Variants in DIAPH2 observed in about 807,000 individuals in gnomAD.
The protein encoded by DIAPH2 is protein diaphanous homolog 2.
A neutral mutation model predicts 92.7 loss-of-function variants in DIAPH2; 35 were observed. The observed-to-expected ratio is 0.38, with a 90% CI of 0.29 to 0.50. The LOEUF (loss-of-function observed/expected upper bound fraction) is 0.50, where lower values mean the gene tolerates loss of function less well. Ranked by LOEUF, DIAPH2 falls within the 20% of genes least tolerant of loss-of-function variation. The pLI, the probability that DIAPH2 is intolerant of heterozygous loss-of-function variation, is 0.94. For missense variants in DIAPH2, 701 were observed against 819.5 expected (o/e 0.86, Z 1.77); for synonymous variants, 301 against 280.4 (o/e 1.07, Z -0.73).
intron 17 of DIAPH2, among the ~76,000 whole-genome samples, chrX:97,038,696 T>A (rs1210552751): frequency 9.0e-6 from 1 of 110,678 alleles, no homozygotes; most frequent in East Asian, 2.8e-4. Flanking sequence ...TAATTTTCAT[T>A]TTCCTAATGA....
rs187095576 is a variant in DIAPH2 at position 97,219,969 on chromosome X, A to G, written c.2720-27746A>G. 3.9e-3 allele frequency among the ~76,000 whole-genome samples: 434 copies of G among 112,198 alleles called. 2 individuals carry two copies. Among genetic ancestry groups the G allele is most frequent in the African/African-American group, 0.013 (417 of 30,955 alleles). Reference sequence around the variant, plus strand: ...AAATAGGCATCTCAACAGGCATGCAAAATCATAGCAGTGATTCAGTAAATT... The same window carrying G: ...AAATAGGCATCTCAACAGGCATGCAGAATCATAGCAGTGATTCAGTAAATT... On this transcript the variant is annotated intron_variant, in intron 22 of 26. Transcript: ENST00000324765.
At chrX:97,510,288 T>C (rs1365417343) in intron 26 of DIAPH2, among the ~76,000 whole-genome samples, 2 of 111,918 alleles carry the variant, frequency 1.8e-5, no homozygotes, top group African/African-American at 6.6e-5. Flanking sequence ...CATGTGTCTT[T>C]TGGCTGCATA....
rs1000499154 is a variant in DIAPH2, at chrX:96,786,880, G to A, written c.447+28622G>A. On this transcript the variant is annotated intron_variant, in intron 4 of 26. Coordinates refer to ENST00000324765, the MANE Select transcript of DIAPH2 (RefSeq NM_006729.5). Reference sequence around the variant, plus strand: ...CCAAATTTTAGAAAATGTAATAATCGAAGCTAGTATGCAAGCAGTAGCTTC... The same window carrying A: ...CCAAATTTTAGAAAATGTAATAATCAAAGCTAGTATGCAAGCAGTAGCTTC... Among the ~76,000 whole-genome samples, 82 of 111,918 alleles carry A rather than the reference G, an allele frequency of 7.3e-4. 1 individual carries two copies. Among genetic ancestry groups the A allele is most frequent in the Admixed American group, 6.6e-3 (70 of 10,557 alleles).
chrX:97,362,829 C>G (rs770130848), intron 24 of DIAPH2, among the ~76,000 whole-genome samples: 2 of 112,530 alleles, frequency 1.8e-5, no homozygotes, highest in South Asian at 7.3e-4. Flanking sequence ...AGTGGAATGG[C>G]CACATGACAG....
intron 3 of DIAPH2, among the ~76,000 whole-genome samples, chrX:96,752,534 T>A (rs2064200854): frequency 2.7e-5 from 3 of 111,933 alleles, no homozygotes; most frequent in African/African-American, 9.8e-5. Flanking sequence ...TATGGAAGAC[T>A]AGGATAAGGG....
chrX:97,422,903 C>T (rs770172794), intron 25 of DIAPH2, among the ~76,000 whole-genome samples: 1 of 112,056 alleles, frequency 8.9e-6, no homozygotes, highest in East Asian at 2.8e-4. Flanking sequence ...GCAGTTTCAG[C>T]GATGCTGGCA....
intron 24 of DIAPH2, among the ~76,000 whole-genome samples, chrX:97,354,882 A>AG (rs1325894635): frequency 8.9e-6 from 1 of 112,389 alleles, no homozygotes; most frequent in Non-Finnish European, 1.9e-5. Flanking sequence ...CTCTCAGAAC[A>AG]AAGAGAAACT....
At chrX:97,577,519 A>G (rs961136839) in intron 26 of DIAPH2, among the ~76,000 whole-genome samples, 1 of 112,178 alleles carries the variant, frequency 8.9e-6, no homozygotes, top group Non-Finnish European at 1.9e-5. Flanking sequence ...TCGAGAGGAG[A>G]GAAAGATCAG....
At chrX:96,836,560 G>A (rs924280750) in intron 4 of DIAPH2, among the ~76,000 whole-genome samples, 17 of 104,237 alleles carry the variant, frequency 1.6e-4, no homozygotes, top group Admixed American at 2.1e-4. Context: ...GACCTAGCCC[G>A]ATTCATTATA....
At chrX:96,708,580 A>G (rs1221923712) in intron 1 of DIAPH2, among the ~76,000 whole-genome samples, 1 of 111,168 alleles carries the variant, frequency 9.0e-6, no homozygotes, top group Non-Finnish European at 1.9e-5. Flanking sequence ...CAGTGTACCT[A>G]CCTCTTCCCA....
intron 22 of DIAPH2, among the ~76,000 whole-genome samples, chrX:97,219,781 C>T (rs1325314320): frequency 8.9e-6 from 1 of 111,870 alleles, no homozygotes; most frequent in East Asian, 2.8e-4. Flanking sequence ...TTATTGTTTT[C>T]CCAAGATAGA....
At chrX:96,746,873 C>T (rs1237687750) in intron 3 of DIAPH2, among the ~76,000 whole-genome samples, 3 of 111,572 alleles carry the variant, frequency 2.7e-5, no homozygotes, top group Non-Finnish European at 5.6e-5. Context: ...TGAACTAAAG[C>T]GGTTCATATT....
chrX:96,799,858 A>G (rs2064569113), intron 4 of DIAPH2, among the ~76,000 whole-genome samples: 1 of 109,209 alleles, frequency 9.2e-6, no homozygotes, highest in Admixed American at 9.9e-5. Flanking sequence ...AAAATTTTAC[A>G]TATATTATTA....
intron 26 of DIAPH2, among the ~76,000 whole-genome samples, chrX:97,549,837 A>G (rs1164640323): frequency 8.9e-6 from 1 of 111,950 alleles, no homozygotes; most frequent in Non-Finnish European, 1.9e-5. Flanking sequence ...TCTACAAGAT[A>G]ATTTACCTGT....
intron 23 of DIAPH2, among the ~76,000 whole-genome samples, chrX:97,300,931 T>TAAAAAAAAAAAAAAAAAAAAAA (rs774601881): frequency 1.9e-4 from 2 of 10,793 alleles, no homozygotes; most frequent in African/African-American, 3.0e-4. Flanking sequence ...GACTCCGTCT[T>TAAAAAAAAAAAAAAAAAAAAAA]AAAAAAAAAA....
chrX:97,165,411 T>G (rs1174931406), intron 22 of DIAPH2, among the ~76,000 whole-genome samples: 2 of 112,200 alleles, frequency 1.8e-5, no homozygotes, highest in Non-Finnish European at 3.8e-5. Context: ...CACCTGTGAA[T>G]TATACGCTTT....
intron 25 of DIAPH2, among the ~76,000 whole-genome samples, chrX:97,404,546 G>T (rs2069789812): frequency 9.0e-6 from 1 of 111,473 alleles, no homozygotes; most frequent in Admixed American, 9.5e-5. Context: ...TATTTCAGAT[G>T]CTCTTTAGTA....
intron 21 of DIAPH2, among the ~76,000 whole-genome samples, chrX:97,134,284 G>A (rs375405289): frequency 1.8e-5 from 2 of 111,538 alleles, no homozygotes; most frequent in East Asian, 5.7e-4. Context: ...AACACTTAGA[G>A]CAATTCTGTC....
chrX:97,473,536 G>A (rs191313336), intron 26 of DIAPH2, among the ~76,000 whole-genome samples: 99 of 110,785 alleles, frequency 8.9e-4, no homozygotes, highest in Middle Eastern at 4.6e-3. Context: ...GGGTTTCACC[G>A]TGTTGGTCAG....
Sources: gnomAD v4.1 joint callset for allele counts (sites outside exome capture counted in the v4.1 genomes callset) on GRCh38, gnomAD v4.1.1 for gene constraint, MANE v1.5 for transcripts, NCBI Gene and HGNC (gene_info 2026-07-23, HGNC 2026-07-21) for gene names.